Variants in PATJ observed in about 807,000 individuals in gnomAD.
The protein encoded by PATJ is PATJ crumbs cell polarity complex component.
Under a neutral mutation model 224.9 loss-of-function variants are expected in PATJ, and 190 were observed. That is an observed-to-expected ratio of 0.84 (90% CI 0.75 to 0.95). The LOEUF (loss-of-function observed/expected upper bound fraction) is 0.95, where lower values mean the gene tolerates loss of function less well. Among genes scored for constraint, PATJ ranks in the 40% least tolerant of loss-of-function variants. PATJ has a pLI of 0.00. For synonymous variants in PATJ, 769 were observed against 820.3 expected (o/e 0.94, Z 1.07); for missense variants, 2,121 against 2,270.3 (o/e 0.93, Z 1.34).
At chr1:61,986,532 G>A (rs1350954583) in intron 27 of PATJ, among the ~76,000 whole-genome samples, 2 of 151,950 alleles carry the variant, frequency 1.3e-5, no homozygotes, top group South Asian at 2.1e-4. Flanking sequence ...TGATCCTCCC[G>A]CCTCAACCTC....
intron 20 of PATJ, among the ~76,000 whole-genome samples, chr1:61,870,618 C>T (rs908800768): frequency 5.3e-5 from 8 of 152,116 alleles, no homozygotes; most frequent in Admixed American, 2.0e-4. Context: ...TTTGTTTTTC[C>T]ATTCATCTGT....
chr1:61,823,428 C>CT (rs1301069707), intron 15 of PATJ, among the ~76,000 whole-genome samples: 2 of 152,216 alleles, frequency 1.3e-5, no homozygotes, highest in Non-Finnish European at 2.9e-5. Context: ...CTAACAAGGA[C>CT]TACAGCTGAA....
intron 17 of PATJ, among the ~76,000 whole-genome samples, chr1:61,839,100 CT>C (rs933622212): frequency 1.1e-4 from 17 of 151,310 alleles, no homozygotes; most frequent in African/African-American, 3.9e-4. Context: ...GGCCCCAGGT[CT>C]TTTTTTTTCT....
rs76911827 is a variant in PATJ at position 61,911,695 on chromosome 1, T to A, written c.3493-2892T>A. 3.8e-3 allele frequency among the ~76,000 whole-genome samples: 538 copies of A among 140,586 alleles called. 1 individual carries two copies. The highest frequency in any genetic ancestry group is 7.0e-3 in the South Asian group (31 of 4,444). 92.2% of individuals were successfully genotyped at this position (140,586 alleles called of 152,430 possible). A position where few individuals can be genotyped will look rare whatever the true frequency, so the allele number is the denominator to read the frequency against. ...CAGAAATTCCATCATCTATATATTT[T>A]TATATATATATATATATATATATCA... On this transcript the variant is annotated intron_variant, in intron 25 of 43. Transcript: ENST00000642238.
intron 31 of PATJ, among the ~76,000 whole-genome samples, chr1:62,069,720 A>G (rs1389102213): frequency 6.6e-6 from 1 of 152,096 alleles, no homozygotes. Flanking sequence ...ATTCATTTCT[A>G]TGATTATTTC....
At chr1:61,801,223 A>G (rs1030727300) in intron 11 of PATJ, among the ~76,000 whole-genome samples, 2 of 152,250 alleles carry the variant, frequency 1.3e-5, no homozygotes, top group East Asian at 1.9e-4. Context: ...CTATTTCTCT[A>G]CATCCTCTCC....
intron 7 of PATJ, among the ~76,000 whole-genome samples, chr1:61,785,700 G>A (rs910829170): frequency 4.6e-5 from 7 of 152,064 alleles, no homozygotes; most frequent in Admixed American, 3.3e-4. Context: ...GAAAAATTTT[G>A]TAAAAATTAG....
intron 1 of PATJ, among the ~76,000 whole-genome samples, chr1:61,761,030 G>C (rs1645940352): frequency 6.6e-6 from 1 of 152,096 alleles, no homozygotes; most frequent in Non-Finnish European, 1.5e-5. Flanking sequence ...CCAGGCTGGA[G>C]TGCAGTGGCA....
At chr1:62,110,814 A>G (rs1435799827) in intron 34 of PATJ, among the ~76,000 whole-genome samples, 1 of 152,176 alleles carries the variant, frequency 6.6e-6, no homozygotes, top group Non-Finnish European at 1.5e-5. Context: ...GGGATGTGGT[A>G]GTCTCCCTTT....
intron 20 of PATJ, among the ~76,000 whole-genome samples, chr1:61,867,467 G>A (rs1181431748): frequency 6.6e-6 from 1 of 151,778 alleles, no homozygotes; most frequent in Non-Finnish European, 1.5e-5. Flanking sequence ...TGAAATATCA[G>A]TTTATTTTAA....
In PATJ at chr1:61,827,406, C is replaced by T; in HGVS notation, c.1819-16C>T. 6.2e-7 allele frequency: 1 copy of T among 1,609,228 alleles called. No individual in the cohort carries two copies. The highest frequency in any genetic ancestry group is 8.5e-7 in the Non-Finnish European group (1 of 1,177,534). The stretch of plus-strand genomic sequence containing the variant: ...TGGGGCTGGCTCAGTTCTGACTTAT[C>T]CCCTTGTCTTCCTAGGTCAATGGCA... On this transcript the variant is annotated splice_polypyrimidine_tract_variant and intron_variant, in intron 15 of 43. Transcript: ENST00000642238.
intron 20 of PATJ, among the ~76,000 whole-genome samples, chr1:61,867,517 T>A (rs1665608183): frequency 6.8e-6 from 1 of 147,048 alleles, no homozygotes; most frequent in Non-Finnish European, 1.5e-5. Flanking sequence ...CAGTCAAATG[T>A]ATATTTATAA....
At chr1:61,944,290 G>A (rs997321727) in intron 27 of PATJ, among the ~76,000 whole-genome samples, 1 of 152,176 alleles carries the variant, frequency 6.6e-6, no homozygotes, top group African/African-American at 2.4e-5. Flanking sequence ...GCTAAAGGAG[G>A]ATGTTTGAAC....
chr1:62,024,865 A>C (rs1404627657), intron 29 of PATJ, among the ~76,000 whole-genome samples: 1 of 152,182 alleles, frequency 6.6e-6, no homozygotes, highest in East Asian at 1.9e-4. Context: ...GGAAGCAAGC[A>C]ATGTGAGTGA....
intron 27 of PATJ, among the ~76,000 whole-genome samples, chr1:61,928,348 G>A (rs1675532141): frequency 6.6e-6 from 1 of 152,116 alleles, no homozygotes; most frequent in Non-Finnish European, 1.5e-5. Context: ...TTTCTTTTAT[G>A]TGCGTCTAGT....
chr1:61,995,218 T>C (rs1645285045), intron 28 of PATJ, among the ~76,000 whole-genome samples: 1 of 152,202 alleles, frequency 6.6e-6, no homozygotes, highest in African/African-American at 2.4e-5. Flanking sequence ...TGAGAGCAAA[T>C]CATGAGTGGT....
chr1:62,088,326 C>T (rs535614129), intron 33 of PATJ, among the ~76,000 whole-genome samples: 123 of 152,298 alleles, frequency 8.1e-4, no homozygotes, highest in South Asian at 2.1e-3. Context: ...ACCAGACCAT[C>T]GTTCCCCAAA....
chr1:61,899,430 C>A (rs138318217), intron 22 of PATJ, among the ~76,000 whole-genome samples, 153 bp from the exon 23 acceptor site: 11 of 152,062 alleles, frequency 7.2e-5, no homozygotes, highest in African/African-American at 2.7e-4. Context: ...TATATTTTTG[C>A]TTTGCATATT....
intron 31 of PATJ, among the ~76,000 whole-genome samples, chr1:62,076,575 A>G (rs1658345967): frequency 6.6e-6 from 1 of 152,202 alleles, no homozygotes; most frequent in Non-Finnish European, 1.5e-5. Flanking sequence ...ATGTTTGGAC[A>G]TTTCACTTGG....
Sources: gnomAD v4.1 joint callset for allele counts (sites outside exome capture counted in the v4.1 genomes callset) on GRCh38, gnomAD v4.1.1 for gene constraint, MANE v1.5 for transcripts, NCBI Gene and HGNC (gene_info 2026-07-23, HGNC 2026-07-21) for gene names.